Variants in CCNF observed in about 807,000 individuals in gnomAD.
The protein encoded by CCNF is cyclin F, also known as cyclin-F.
CCNF carries 30 observed loss-of-function variants against 85.4 expected under a neutral mutation model. The observed-to-expected ratio is 0.35, with a 90% confidence interval of 0.26 to 0.48. The LOEUF is 0.48. Among genes scored for constraint, CCNF ranks in the 20% least tolerant of loss-of-function variants. CCNF has a pLI of 0.99. For synonymous variants in CCNF, 439 were observed against 425.1 expected (o/e 1.03, Z -0.40); for missense variants, 919 against 1,010.4 (o/e 0.91, Z 1.23).
intron 3 of CCNF, 44 bp downstream of exon 3, chr16:2,433,111 G>T (rs1239754647): frequency 8.7e-6 from 11 of 1,271,028 alleles, no homozygotes; most frequent in Admixed American, 1.9e-5. Flanking sequence ...TCCTGCCTTG[G>T]CCTCCCTATG....
intron 8 of CCNF, 66 bp downstream of exon 8, chr16:2,439,892 A>G (rs904467807): frequency 1.4e-6 from 2 of 1,380,732 alleles, no homozygotes; most frequent in African/African-American, 2.8e-5. Flanking sequence ...GGGCAGGACT[A>G]TCTGGGCTCC....
intron 3 of CCNF, among the ~76,000 whole-genome samples, chr16:2,435,539 C>T (rs1176065009): frequency 1.4e-5 from 2 of 146,946 alleles, no homozygotes; most frequent in African/African-American, 5.0e-5. Context: ...GAGCTGTGAT[C>T]GCACCACTGC....
chr16:2,447,565 T>C (rs1335730915), intron 10 of CCNF, among the ~76,000 whole-genome samples: 1 of 151,828 alleles, frequency 6.6e-6, no homozygotes, highest in African/African-American at 2.4e-5. Context: ...GCCTGGGCAA[T>C]GGCGCAAGAC....
In CCNF at chr16:2,453,732, A is replaced by T. The variant is rs1269659304; in HGVS notation, c.1715+195A>T. ...GCGTAACCTCCACTGTCTCCAGCCC[A>T]GGTCTCCTTCCTCAGAGGCTATTGC... is the stretch of plus-strand genomic sequence containing the variant. On this transcript the variant is annotated intron_variant, in intron 15 of 16. Transcript: ENST00000397066. The surrounding 1 kb of genome is among the most constrained non-coding windows in gnomAD (Gnocchi z 5.6). Among the ~76,000 whole-genome samples the T allele has an allele frequency of 1.3e-5, 2 of 152,148 alleles. No homozygotes were observed. Among genetic ancestry groups the T allele is most frequent in the Non-Finnish European group, 2.9e-5 (2 of 68,030 alleles).
Position 2,455,430 on chromosome 16 carries a change from G to T in CCNF, c.1751G>T (p.Ser584Ile). ...AACAGCCTCCAGGAAGACAGAGGCA[G>T]CTTCGTTACCACCCCCACTGCGGAG... ...RENSLQEDRG[S>I]FVTTPTAELS... is the part of the protein sequence containing the mutation. The change falls in exon 16 of 17, where the codon AGC (serine) becomes ATC (isoleucine). Residue 584 changes from serine (S) to isoleucine (I), a missense_variant. Coordinates refer to ENST00000397066, the MANE Select transcript of CCNF (RefSeq NM_001761.3). 6.3e-7 allele frequency: 1 copy of T among 1,591,864 alleles called. No homozygotes were observed. Among genetic ancestry groups the T allele is most frequent in the Non-Finnish European group, 8.6e-7 (1 of 1,162,374 alleles).
At chr16:2,445,729 G>GTTT (rs34430433) in intron 10 of CCNF, 107 bp downstream of exon 10, 20 of 927,362 alleles carry the variant, frequency 2.2e-5, no homozygotes, top group South Asian at 5.4e-5. Context: ...GTTTTGTGTT[G>GTTT]TTTTTTTTTT....
chr16:2,445,022 GACT>G (rs1188009342), intron 9 of CCNF, among the ~76,000 whole-genome samples: 1 of 151,790 alleles, frequency 6.6e-6, no homozygotes, highest in African/African-American at 2.4e-5. Flanking sequence ...CCCCAAGTAG[GACT>G]ACAAGTGTCT....
At chr16:2,434,992 C>A (rs142389062) in intron 3 of CCNF, among the ~76,000 whole-genome samples, 1 of 152,094 alleles carries the variant, frequency 6.6e-6, no homozygotes, top group Admixed American at 6.5e-5. Context: ...TGGTGGCTCA[C>A]GCTTGTAATC....
At chr16:2,433,867 G>A (rs953368757) in intron 3 of CCNF, among the ~76,000 whole-genome samples, 29 of 152,190 alleles carry the variant, frequency 1.9e-4, no homozygotes, top group African/African-American at 6.5e-4. Flanking sequence ...TGTGAGCCTC[G>A]TCCATCTGAG....
intron 3 of CCNF, among the ~76,000 whole-genome samples, chr16:2,434,565 C>T (rs147350163): frequency 6.6e-6 from 1 of 151,968 alleles, no homozygotes; most frequent in Non-Finnish European, 1.5e-5. Context: ...GAGCCGAGAT[C>T]GCACCACTGC....
At chr16:2,449,193 C>T (rs915267905) in intron 11 of CCNF, 89 bp from the exon 12 acceptor site, 23 of 1,524,544 alleles carry the variant, frequency 1.5e-5, no homozygotes, top group Middle Eastern at 1.7e-4. Flanking sequence ...GAACATCATC[C>T]GGGCCAGACC....
At position 2,458,652 on chromosome 16, in the gene CCNF, CTT is replaced by C. The variant is rs2065445667; in HGVS notation, c.*1636_*1637del. On this transcript the variant is annotated 3_prime_UTR_variant, in exon 17 of 17. Transcript: ENST00000397066. ...GTGTGTTCATGTCCGCGGCAGCTGT[CTT>C]TTTGCTACTATAAGGGAATTCTGGC... 2.6e-5 allele frequency: 4 copies of C among 152,240 alleles called. No homozygotes were observed. In the South Asian group the frequency reaches 8.3e-4, roughly 32 times the overall value. 9.4% of individuals were successfully genotyped at this position (152,240 alleles called of 1,614,324 possible). A position where few individuals can be genotyped will look rare whatever the true frequency, so the allele number is the denominator to read the frequency against.
In CCNF at chr16:2,445,480, G is replaced by A. The variant is rs751203430; in HGVS notation, c.952G>A (p.Val318Met). 90 of 1,613,970 alleles carry A rather than the reference G, an allele frequency of 5.6e-5. No individual in the cohort carries two copies. Among genetic ancestry groups the A allele is most frequent in the Non-Finnish European group, 7.4e-5 (87 of 1,180,046 alleles). ...TMRYILIDWL[V>M]EVATMKDFTS... Reference sequence around the variant, plus strand: ...CAGGTACATTCTGATCGACTGGCTGGTGGAAGTTGCCACCATGAAGGACTT... The same window carrying A: ...CAGGTACATTCTGATCGACTGGCTGATGGAAGTTGCCACCATGAAGGACTT... The change falls in exon 10 of 17, where the codon GTG becomes ATG. Residue 318 changes from valine (V) to methionine (M), a missense_variant. Coordinates refer to ENST00000397066, the MANE Select transcript of CCNF (RefSeq NM_001761.3).
At chr16:2,440,229 G>C (rs570238442) in intron 8 of CCNF, among the ~76,000 whole-genome samples, 1 of 152,280 alleles carries the variant, frequency 6.6e-6, no homozygotes, top group East Asian at 1.9e-4. Flanking sequence ...TCCTCTTCCT[G>C]TTAGCGCCTT....
intron 15 of CCNF, among the ~76,000 whole-genome samples, chr16:2,454,952 C>A (rs1251927476): frequency 6.6e-6 from 1 of 150,626 alleles, no homozygotes; most frequent in Non-Finnish European, 1.5e-5. Context: ...CCCAGCTACT[C>A]AGGAGCCTGA....
chr16:2,444,900 C>CTTTT (rs35090353), intron 9 of CCNF, among the ~76,000 whole-genome samples: 1 of 140,868 alleles, frequency 7.1e-6, no homozygotes, highest in African/African-American at 2.7e-5. Flanking sequence ...CATTGAACAT[C>CTTTT]TTTTTTTTTT....
chr16:2,430,845 G>T (rs1041059136), intron 1 of CCNF, among the ~76,000 whole-genome samples: 4 of 152,132 alleles, frequency 2.6e-5, no homozygotes, highest in Non-Finnish European at 5.9e-5. Flanking sequence ...GTGGGCTCTG[G>T]ATCAGAAAGT....
chr16:2,446,595 G>A (rs2065363705), intron 10 of CCNF, among the ~76,000 whole-genome samples: 2 of 152,226 alleles, frequency 1.3e-5, no homozygotes, highest in Admixed American at 1.3e-4. Flanking sequence ...TACATTTCCC[G>A]AGGAAGTGCT....
Position 2,456,685 on chromosome 16 carries a change from C to G in CCNF, c.2026C>G (p.Gln676Glu). Residue 676 changes from glutamine (Q) to glutamate (E), a missense_variant, in exon 17 of 17, where the codon CAG (glutamine) becomes GAG (glutamate). This residue lies in a region of CCNF where 505 missense variants were observed against 514.8 expected (regional missense o/e 0.98). Coordinates refer to ENST00000397066, the MANE Select transcript of CCNF (RefSeq NM_001761.3). This position sits in a 1 kb window ranked among gnomAD's most constrained non-coding sequence, Gnocchi z 4.5. ...CCCACAGGCACTGGCGCTGGACACC[C>G]AGATCCCTGCAACCCCTGGACCCAA... is the stretch of plus-strand genomic sequence containing the variant. ...QDPQALALDT[Q>E]IPATPGPKPL... 2 of 1,613,550 alleles carry G rather than the reference C, an allele frequency of 1.2e-6. No homozygotes were observed. The highest frequency in any genetic ancestry group is 1.7e-6 in the Non-Finnish European group (2 of 1,179,902).
Sources: gnomAD v4.1 joint callset for allele counts (sites outside exome capture counted in the v4.1 genomes callset) on GRCh38, gnomAD v4.1.1 for gene constraint, gnomAD v4.1.1 regional missense constraint, Gnocchi (gnomAD v3.1) non-coding constraint, MANE v1.5 for transcripts, NCBI Gene and HGNC (gene_info 2026-07-23, HGNC 2026-07-21) for gene names.